Variants in CLNS1A observed in about 807,000 individuals in gnomAD.
The protein encoded by CLNS1A is methylosome subunit pICln.
A neutral mutation model predicts 29.4 loss-of-function variants in CLNS1A; 16 were observed. That is an observed-to-expected ratio of 0.54 (90% CI 0.37 to 0.83). The LOEUF (loss-of-function observed/expected upper bound fraction) is 0.83. Among genes scored for constraint, CLNS1A ranks in the 40% least tolerant of loss-of-function variants. The pLI, the probability that CLNS1A is intolerant of heterozygous loss-of-function variation, is 0.00. For synonymous variants in CLNS1A, 96 were observed against 104.8 expected, an observed-to-expected ratio of 0.92 and a Z score of 0.51; for missense variants, 235 against 287.4, an observed-to-expected ratio of 0.82 and a Z score of 1.32.
chr11:77,617,655 C>T (rs1385975829), intron 6 of CLNS1A, among the ~76,000 whole-genome samples: 1 of 151,946 alleles, frequency 6.6e-6, no homozygotes, highest in Non-Finnish European at 1.5e-5. Flanking sequence ...TGCAGTGGCT[C>T]ATGCCTGTAA....
chr11:77,620,532 C>T (rs1958946396), intron 5 of CLNS1A, among the ~76,000 whole-genome samples: 1 of 152,228 alleles, frequency 6.6e-6, no homozygotes, highest in African/African-American at 2.4e-5. Context: ...GGCACAGTGG[C>T]TCACGCCTGT....
In CLNS1A at chr11:77,616,009, A is replaced by G. The variant is rs1193090541; in HGVS notation, c.*709T>C. 2 of 151,514 alleles carry G rather than the reference A, an allele frequency of 1.3e-5. No individual in the cohort carries two copies. The highest frequency in any genetic ancestry group is 1.9e-4 in the East Asian group (1 of 5,204). 9.4% of individuals were successfully genotyped at this position (151,514 alleles called of 1,614,324 possible). On this transcript the variant is annotated 3_prime_UTR_variant, in exon 7 of 7. Coordinates refer to ENST00000525428, the MANE Select transcript of CLNS1A (RefSeq NM_001293.3). ...CCTTACTAAATACTTGCCAGAAGCT[A>G]TAACTATATTTTCTTATTAATTTCA...
At chr11:77,626,717 A>AGTCTTGC (rs1012930588) in intron 2 of CLNS1A, among the ~76,000 whole-genome samples, 4 of 127,178 alleles carry the variant, frequency 3.1e-5, no homozygotes, top group African/African-American at 1.2e-4. Context: ...TTTGAGACGG[A>AGTCTTGC]GTCTTGCTCT....
intron 1 of CLNS1A, 134 bp downstream of exon 1, chr11:77,637,456 C>T (rs1959143902): frequency 8.5e-7 from 1 of 1,172,784 alleles, no homozygotes; most frequent in African/African-American, 1.6e-5. Flanking sequence ...ACAGGTATCC[C>T]TGAGGCGTCG....
intron 1 of CLNS1A, among the ~76,000 whole-genome samples, chr11:77,636,622 T>C (rs1050644691): frequency 6.6e-6 from 1 of 152,224 alleles, no homozygotes; most frequent in Non-Finnish European, 1.5e-5. Context: ...GAATATGTTA[T>C]ATTACACAGC....
intron 1 of CLNS1A, among the ~76,000 whole-genome samples, chr11:77,632,616 A>T (rs1959085459): frequency 7.0e-6 from 1 of 142,688 alleles, no homozygotes; most frequent in African/African-American, 2.7e-5. Flanking sequence ...TCTAATCGTT[A>T]AATTCTTTTT....
intron 1 of CLNS1A, among the ~76,000 whole-genome samples, chr11:77,631,791 G>A (rs1022456486): frequency 2.0e-5 from 3 of 151,962 alleles, no homozygotes; most frequent in African/African-American, 7.3e-5. Flanking sequence ...AGGCTGGAGT[G>A]CAGTAGCATG....
At chr11:77,624,733 C>T (rs1421563669) in intron 4 of CLNS1A, among the ~76,000 whole-genome samples, 1 of 152,074 alleles carries the variant, frequency 6.6e-6, no homozygotes, top group Non-Finnish European at 1.5e-5. Context: ...GCAGGAGAAT[C>T]GCTTGAACCT....
At chr11:77,622,050 G>GAGA in intron 5 of CLNS1A, 1 of 456,292 alleles carries the variant, frequency 2.2e-6, no homozygotes, top group Non-Finnish European at 4.4e-6. Context: ...TATACCTGAA[G>GAGA]AGATGCCTGA....
chr11:77,622,755 C>A, intron 4 of CLNS1A, 82 bp from the exon 5 acceptor site: 1 of 1,113,122 alleles, frequency 9.0e-7, no homozygotes, highest in Non-Finnish European at 1.3e-6. Flanking sequence ...TGCCGCCAGC[C>A]TGGCCAACAT....
At chr11:77,624,849 T>C (rs1958999599) in intron 4 of CLNS1A, 114 bp downstream of exon 4, 3 of 623,968 alleles carry the variant, frequency 4.8e-6, no homozygotes, top group South Asian at 2.3e-5. Flanking sequence ...TTTACCATAC[T>C]GCATACTTTA....
intron 5 of CLNS1A, among the ~76,000 whole-genome samples, chr11:77,620,358 T>G (rs1265124561): frequency 6.6e-6 from 1 of 152,234 alleles, no homozygotes. Context: ...AAGATGTGAT[T>G]TGCTCCTCGT....
intron 4 of CLNS1A, among the ~76,000 whole-genome samples, chr11:77,623,140 A>T (rs576727989): frequency 6.6e-6 from 1 of 152,168 alleles, no homozygotes; most frequent in East Asian, 1.9e-4. Flanking sequence ...TTCCCAAAGA[A>T]TCCCAAGTCC....
rs1958893159 is a variant in CLNS1A at position 77,614,580 on chromosome 11, C to G, written c.*2138G>C. The G allele has an allele frequency of 6.6e-6, 1 of 152,232 alleles. No individual in the cohort carries two copies. The highest frequency in any genetic ancestry group is 1.5e-5 in the Non-Finnish European group (1 of 68,098). The allele number at this position is 152,232 out of a possible 1,614,324, so 9.4% of individuals were successfully genotyped here. On this transcript the variant is annotated 3_prime_UTR_variant, in exon 7 of 7. Transcript: ENST00000525428. ...CAGGCTGGTCTCAAACTCCTGACCT[C>G]AAGTGATCTGCCCACCTGAGCCTCC... is the stretch of plus-strand genomic sequence containing the variant.
Position 77,622,576 on chromosome 11 carries a change from T to G in CLNS1A, c.570A>C (p.Gly190=). The change falls in exon 5 of 7, where the codon GGA becomes GGC. Residue 190 remains glycine (G), a synonymous_variant. Coordinates refer to ENST00000525428, the MANE Select transcript of CLNS1A (RefSeq NM_001293.3). The part of the protein sequence containing the change: ...EGQATLERLE[G]MLSQSVSSQY... Reference sequence around the variant, plus strand: ...GGCTGCTCACAGACTGAGAAAGCATTCCTTCTAATCTCTCCAGTGTGGCTT... The same window carrying G: ...GGCTGCTCACAGACTGAGAAAGCATGCCTTCTAATCTCTCCAGTGTGGCTT... 1 of 1,613,772 alleles carries G rather than the reference T, an allele frequency of 6.2e-7. No homozygotes were observed. Among genetic ancestry groups the G allele is most frequent in the Non-Finnish European group, 8.5e-7 (1 of 1,179,848 alleles).
At position 77,616,017 on chromosome 11, in the gene CLNS1A, A is replaced by G. The variant is rs1958903020; in HGVS notation, c.*701T>C. ...AATACTTGCCAGAAGCTATAACTAT[A>G]TTTTCTTATTAATTTCATGTTCATC... On this transcript the variant is annotated 3_prime_UTR_variant, in exon 7 of 7. Coordinates refer to ENST00000525428, the MANE Select transcript of CLNS1A (RefSeq NM_001293.3). The G allele has an allele frequency of 6.6e-6, 1 of 152,182 alleles. No individual in the cohort carries two copies. The highest frequency in any genetic ancestry group is 2.1e-4 in the South Asian group (1 of 4,830). 9.4% of individuals were successfully genotyped at this position (152,182 alleles called of 1,614,324 possible).
chr11:77,631,508 G>T (rs1310451454), intron 1 of CLNS1A, among the ~76,000 whole-genome samples: 1 of 151,516 alleles, frequency 6.6e-6, no homozygotes, highest in South Asian at 2.1e-4. Flanking sequence ...TTTTAGAGAC[G>T]GGGTTTCACC....
At chr11:77,623,908 T>G (rs1461318356) in intron 4 of CLNS1A, among the ~76,000 whole-genome samples, 1 of 152,194 alleles carries the variant, frequency 6.6e-6, no homozygotes, top group Non-Finnish European at 1.5e-5. Context: ...CTTAAATAAA[T>G]GAAGTATGGT....
chr11:77,628,032 G>C (rs1261151899), intron 2 of CLNS1A, among the ~76,000 whole-genome samples: 1 of 152,120 alleles, frequency 6.6e-6, no homozygotes, highest in African/African-American at 2.4e-5. Flanking sequence ...CACCATGTTG[G>C]CCAGGATGGT....
Sources: allele counts gnomAD v4.1 joint callset (sites outside exome capture counted in the v4.1 genomes callset), GRCh38; gene constraint gnomAD v4.1.1; transcripts MANE v1.5; gene names NCBI Gene and HGNC (gene_info 2026-07-23, HGNC 2026-07-21).